The following METAP2 variants were observed in gnomAD, a reference collection of about 807,000 sequenced individuals.
METAP2 encodes methionine aminopeptidase 2.
A neutral mutation model predicts 59.4 loss-of-function variants in METAP2; 25 were observed. The ratio of observed to expected loss-of-function variants is 0.42; its 90% CI spans 0.31 to 0.59. The LOEUF (loss-of-function observed/expected upper bound fraction) is 0.59, where lower values mean the gene tolerates loss of function less well. Among genes scored for constraint, METAP2 ranks in the 20% least tolerant of loss-of-function variants. The pLI is 0.16. For synonymous variants in METAP2, 214 were observed against 194.1 expected, an observed-to-expected ratio of 1.10 and a Z score of -0.85; for missense variants, 366 against 581.2, an observed-to-expected ratio of 0.63 and a Z score of 3.81.
At position 95,495,150 on chromosome 12, in the gene METAP2, C is replaced by G; in HGVS notation, c.772+12C>G. On this transcript the variant is annotated intron_variant, in intron 6 of 10. Coordinates refer to ENST00000323666, the MANE Select transcript of METAP2 (RefSeq NM_006838.4). Reference sequence around the variant, plus strand: ...AACACATATAAGTGGTAAATTCTTGCAGAAAATTCCTACCCCAGCCTCCTC... The same window carrying G: ...AACACATATAAGTGGTAAATTCTTGGAGAAAATTCCTACCCCAGCCTCCTC... The G allele has an allele frequency of 6.3e-7, 1 of 1,587,884 alleles. No homozygotes were observed. Among genetic ancestry groups the G allele is most frequent in the East Asian group, 2.2e-5 (1 of 44,650 alleles).
chr12:95,477,386 C>T (rs1189394255), intron 2 of METAP2, among the ~76,000 whole-genome samples: 4 of 152,098 alleles, frequency 2.6e-5, no homozygotes, highest in Non-Finnish European at 4.4e-5. Flanking sequence ...CTACTGTGTC[C>T]GGCCTGTTCC....
chr12:95,480,279 T>C (rs771323390), intron 2 of METAP2, among the ~76,000 whole-genome samples: 3 of 152,238 alleles, frequency 2.0e-5, no homozygotes, highest in Non-Finnish European at 4.4e-5. Flanking sequence ...CCCTTTTACA[T>C]TGAACAATAT....
intron 7 of METAP2, among the ~76,000 whole-genome samples, chr12:95,499,136 T>TGTTTTG (rs537114875): frequency 5.6e-4 from 86 of 152,244 alleles, no homozygotes; most frequent in Non-Finnish European, 8.7e-4. Flanking sequence ...TTTTTTGGTT[T>TGTTTTG]GTTTTGGTTT....
intron 10 of METAP2, 129 bp from the exon 11 acceptor site, chr12:95,513,523 G>A: frequency 9.6e-7 from 1 of 1,039,574 alleles, no homozygotes; most frequent in Non-Finnish European, 1.4e-6. Flanking sequence ...TTTGATTGTT[G>A]AAAGAGCAAC....
chr12:95,495,033 T>A lies in METAP2; in HGVS notation c.667T>A (p.Cys223Ser). ...LNAGLAFPTG[C>S]SLNNCAAHYT... ...TGCAGGCCTGGCATTTCCTACTGGA[T>A]GTTCTCTCAATAATTGTGCTGCCCA... Residue 223 changes from cysteine to serine, a missense_variant, in exon 6 of 11, where the codon TGT becomes AGT. By Grantham distance (112) the Cys-to-Ser change is moderately radical (BLOSUM62 -1). Coordinates refer to ENST00000323666, the MANE Select transcript of METAP2 (RefSeq NM_006838.4). The A allele has an allele frequency of 6.2e-7, 1 of 1,613,684 alleles. No homozygotes were observed. The highest frequency in any genetic ancestry group is 8.5e-7 in the Non-Finnish European group (1 of 1,179,628).
chr12:95,509,681 G>A (rs571669465), intron 8 of METAP2, among the ~76,000 whole-genome samples: 1 of 152,190 alleles, frequency 6.6e-6, no homozygotes, highest in Admixed American at 6.5e-5. Context: ...TATATAAGAA[G>A]GTTGTTGTGA....
At chr12:95,484,165 A>C (rs1489334765) in intron 3 of METAP2, among the ~76,000 whole-genome samples, 1 of 152,020 alleles carries the variant, frequency 6.6e-6, no homozygotes. Context: ...CTTCCTTTAA[A>C]ATTTTTCAGG....
chr12:95,514,078 C>T lies in METAP2; in HGVS notation c.*174C>T. 2 of 729,550 alleles carry T rather than the reference C, an allele frequency of 2.7e-6. No individual in the cohort carries two copies. Among genetic ancestry groups the T allele is most frequent in the Non-Finnish European group, 4.1e-6 (2 of 493,628 alleles). 45.2% of individuals were successfully genotyped at this position (729,550 alleles called of 1,614,324 possible). A position where few individuals can be genotyped will look rare whatever the true frequency, so the allele number is the denominator to read the frequency against. The stretch of plus-strand genomic sequence containing the variant: ...AGGCAAACCGTCTAATGTAATTAAC[C>T]AACGAAAAAGCTTTCCGGACTTTTA... On this transcript the variant is annotated 3_prime_UTR_variant, in exon 11 of 11. Coordinates refer to ENST00000323666, the MANE Select transcript of METAP2 (RefSeq NM_006838.4).
At chr12:95,481,818 C>T (rs765519996) in intron 2 of METAP2, among the ~76,000 whole-genome samples, 1 of 152,188 alleles carries the variant, frequency 6.6e-6, no homozygotes, top group Non-Finnish European at 1.5e-5. Context: ...GTGCTACATA[C>T]ACTAGGTATA....
rs907651319 is a variant in METAP2, at chr12:95,513,635, G to T, written c.1185-17G>T. Reference sequence around the variant, plus strand: ...AACTCTTTTGCCAACAGTTAATTTTGGATTTTCTCCTCTTAGGCTTCCAAG... The same window carrying T: ...AACTCTTTTGCCAACAGTTAATTTTTGATTTTCTCCTCTTAGGCTTCCAAG... On this transcript the variant is annotated splice_polypyrimidine_tract_variant and intron_variant, in intron 10 of 10. Transcript: ENST00000323666. 1 of 1,606,690 alleles carries T rather than the reference G, an allele frequency of 6.2e-7. No homozygotes were observed. The highest frequency in any genetic ancestry group is 1.3e-5 in the African/African-American group (1 of 74,546).
chr12:95,488,400 T>C (rs927911133), intron 4 of METAP2, among the ~76,000 whole-genome samples: 1 of 150,172 alleles, frequency 6.7e-6, no homozygotes, highest in Non-Finnish European at 1.5e-5. Context: ...TCCCAGCTAC[T>C]CGGGGGGCTG....
At position 95,474,322 on chromosome 12, in the gene METAP2, C is replaced by T. The variant is rs183417618; in HGVS notation, c.143C>T (p.Pro48Leu). Reference protein sequence around the residue: ...KRRKKKKSKGPSAAGEQEPDK... With the variant: ...KRRKKKKSKGLSAAGEQEPDK... ...CGAAAGAAGAAGAAGAGCAAAGGGC[C>T]TTCTGCAGGTAAAGAGAGTTTTATG... Residue 48 changes from proline (P) to leucine (L), a missense_variant, in exon 1 of 11, where the codon CCT (proline) becomes CTT (leucine). Physicochemically the swap from Pro to Leu is moderately conservative, Grantham distance 98. This residue lies in a region of METAP2 where 177 missense variants were observed against 180.3 expected (regional missense o/e 0.98). Transcript: ENST00000323666. 1.9e-6 allele frequency: 3 copies of T among 1,613,970 alleles called. No homozygotes were observed. The highest frequency in any genetic ancestry group is 1.6e-4 in the Middle Eastern group (1 of 6,062).
chr12:95,507,509 A>T (rs1362100867), intron 8 of METAP2, among the ~76,000 whole-genome samples: 1 of 152,198 alleles, frequency 6.6e-6, no homozygotes. Flanking sequence ...TCTTCTCCCT[A>T]TTCTTATGTT....
intron 6 of METAP2, 111 bp downstream of exon 6, chr12:95,495,249 C>T (rs1272477806): frequency 3.4e-6 from 3 of 891,076 alleles, no homozygotes; most frequent in Non-Finnish European, 5.0e-6. Flanking sequence ...CTTGCTTCCT[C>T]ATTTCATTAG....
intron 4 of METAP2, among the ~76,000 whole-genome samples, chr12:95,492,075 T>C (rs1241685167): frequency 6.6e-6 from 1 of 152,074 alleles, no homozygotes; most frequent in Non-Finnish European, 1.5e-5. Flanking sequence ...ACCAAATGGC[T>C]GGGATTATAG....
chr12:95,481,443 A>G (rs1002487170), intron 2 of METAP2, among the ~76,000 whole-genome samples: 11 of 152,190 alleles, frequency 7.2e-5, no homozygotes, highest in African/African-American at 2.2e-4. Flanking sequence ...ATCTCTGCCT[A>G]TGAAGAATAT....
rs1336481778 is a variant in METAP2, at chr12:95,514,134, G to C, written c.*230G>C. 3 of 511,452 alleles carry C rather than the reference G, an allele frequency of 5.9e-6. No individual in the cohort carries two copies. Among genetic ancestry groups the C allele is most frequent in the Non-Finnish European group, 1.0e-5 (3 of 297,728 alleles). 31.7% of individuals were successfully genotyped at this position (511,452 alleles called of 1,614,324 possible). On this transcript the variant is annotated 3_prime_UTR_variant, in exon 11 of 11. Coordinates refer to ENST00000323666, the MANE Select transcript of METAP2 (RefSeq NM_006838.4). The stretch of plus-strand genomic sequence containing the variant: ...TAACTGTTTTTCCCCTTCCTGTCTA[G>C]GAAAATGCTATAAAGCTCAAATTAG...
chr12:95,503,860 C>T (rs1468408230), intron 7 of METAP2, among the ~76,000 whole-genome samples: 1 of 152,154 alleles, frequency 6.6e-6, no homozygotes, highest in Admixed American at 6.5e-5. Context: ...TTTGTCAGTG[C>T]ACTTGTTGTC....
intron 4 of METAP2, among the ~76,000 whole-genome samples, chr12:95,488,050 T>C (rs984206627): frequency 6.6e-6 from 1 of 152,228 alleles, no homozygotes; most frequent in African/African-American, 2.4e-5. Context: ...AATACGTTTT[T>C]AGGAGTGAGA....
Sources: allele counts gnomAD v4.1 joint callset (sites outside exome capture counted in the v4.1 genomes callset), GRCh38; gene constraint gnomAD v4.1.1; regional missense constraint gnomAD v4.1.1; transcripts MANE v1.5; gene names NCBI Gene and HGNC (gene_info 2026-07-23, HGNC 2026-07-21).